Variants in DLEC1 observed in about 807,000 individuals in gnomAD.
DLEC1 encodes the protein deleted in lung and esophageal cancer protein 1.
DLEC1 carries 146 observed loss-of-function variants against 198.1 expected under a neutral mutation model. The observed-to-expected ratio is 0.74, with a 90% CI of 0.64 to 0.85. The LOEUF (loss-of-function observed/expected upper bound fraction) is 0.85. DLEC1 is among the 40% of genes least tolerant of loss of function. The pLI is 0.00. For synonymous variants in DLEC1, 897 were observed against 866.8 expected (o/e 1.03, Z -0.61); for missense variants, 2,233 against 2,220.0 (o/e 1.01, Z -0.12).
chr3:38,098,607 CCTT>C (rs779308734), intron 18 of DLEC1, among the ~76,000 whole-genome samples: 1 of 152,004 alleles, frequency 6.6e-6, no homozygotes, highest in African/African-American at 2.4e-5. Flanking sequence ...ACCACACTCT[CCTT>C]CTGGCTGCTT....
At chr3:38,045,971 A>G (rs1700868060) in intron 2 of DLEC1, among the ~76,000 whole-genome samples, 2 of 152,212 alleles carry the variant, frequency 1.3e-5, no homozygotes, top group Admixed American at 6.5e-5. Context: ...ACCCACAGAT[A>G]CTTGTCAACC....
Position 38,088,173 on chromosome 3 carries a change from G to A in DLEC1, c.1573-123G>A, listed in dbSNP as rs1394875806. On this transcript the variant is annotated intron_variant, in intron 9 of 36. Transcript: ENST00000308059. Reference sequence around the variant, plus strand: ...AGCCTCAGTTTTTTCATTACCATGTGACTGGATGATCCTTAAGTTCCTTCA... The same window carrying A: ...AGCCTCAGTTTTTTCATTACCATGTAACTGGATGATCCTTAAGTTCCTTCA... 3 of 814,098 alleles carry A rather than the reference G, an allele frequency of 3.7e-6. No individual in the cohort carries two copies. In the African/African-American group the frequency reaches 5.1e-5, roughly 14 times the overall value. 50.4% of individuals were successfully genotyped at this position (814,098 alleles called of 1,614,324 possible). A position where few individuals can be genotyped will look rare whatever the true frequency, so the allele number is the denominator to read the frequency against.
chr3:38,110,620 T>C (rs1432266626), intron 23 of DLEC1, among the ~76,000 whole-genome samples: 1 of 152,056 alleles, frequency 6.6e-6, no homozygotes, highest in African/African-American at 2.4e-5. Flanking sequence ...GTGGGAGGAA[T>C]AGTTCAGGAG....
chr3:38,096,530 G>T lies in DLEC1; in HGVS notation c.2172-39G>T, dbSNP rs762079723. The stretch of plus-strand genomic sequence containing the variant: ...AGGGACACTCTAGGATGTGCTTCCA[G>T]GTGTGCCGGCTCCTAGCTAACGGTG... On this transcript the variant is annotated intron_variant, in intron 14 of 36. Coordinates refer to ENST00000308059, the MANE Select transcript of DLEC1 (RefSeq NM_007335.4). The T allele has an allele frequency of 3.8e-6, 6 of 1,590,078 alleles. No homozygotes were observed. In the South Asian group the frequency reaches 5.7e-5, roughly 15 times the overall value.
intron 18 of DLEC1, among the ~76,000 whole-genome samples, 179 bp from the exon 19 acceptor site, chr3:38,100,107 A>G: frequency 6.6e-6 from 1 of 152,086 alleles, no homozygotes; most frequent in Non-Finnish European, 1.5e-5. Context: ...CTATGCTCTT[A>G]ATCCTGAGAC....
intron 19 of DLEC1, 116 bp from the exon 20 acceptor site, chr3:38,107,468 T>C (rs1699625708): frequency 6.0e-6 from 7 of 1,158,168 alleles, no homozygotes; most frequent in Non-Finnish European, 8.1e-6. Context: ...ATTCTAGAGT[T>C]TCTAAAAATA....
rs764107085 is a variant in DLEC1, at chr3:38,112,303, T to C, written c.3608T>C (p.Ile1203Thr). 2.5e-6 allele frequency: 4 copies of C among 1,614,160 alleles called. No individual in the cohort carries two copies. The highest frequency in any genetic ancestry group is 2.5e-6 in the Non-Finnish European group (3 of 1,180,006). Reference sequence around the variant, plus strand: ...CTGGGGCCCTACCAGCAGCTGTGCATTGACATCACAGGCTGTGCCAACATG... The same window carrying C: ...CTGGGGCCCTACCAGCAGCTGTGCACTGACATCACAGGCTGTGCCAACATG... ...GMLGPYQQLC[I>T]DITGCANMWG... is the part of the protein sequence containing the mutation. The change falls in exon 25 of 37, where the codon ATT (isoleucine) becomes ACT (threonine). Residue 1203 changes from isoleucine (I) to threonine (T), a missense_variant. Physicochemically the swap from Ile to Thr is moderately conservative, Grantham distance 89. Coordinates refer to ENST00000308059, the MANE Select transcript of DLEC1 (RefSeq NM_007335.4). The surrounding 1 kb of genome is among the most constrained non-coding windows in gnomAD (Gnocchi z 4.8).
Position 38,109,572 on chromosome 3 carries a change from G to A in DLEC1, c.3260+10G>A, listed in dbSNP as rs201746090. Reference sequence around the variant, plus strand: ...AGAGCTCTGATTGCAGGTGAGCCCAGGGTTGGTGGTCTGGGGGTGGCAGTG... The same window carrying A: ...AGAGCTCTGATTGCAGGTGAGCCCAAGGTTGGTGGTCTGGGGGTGGCAGTG... On this transcript the variant is annotated intron_variant, in intron 22 of 36. Transcript: ENST00000308059. 3.0e-5 allele frequency: 48 copies of A among 1,613,968 alleles called. No homozygotes were observed. The highest frequency in any genetic ancestry group is 4.2e-6 in the Non-Finnish European group (5 of 1,179,990).
intron 33 of DLEC1, among the ~76,000 whole-genome samples, chr3:38,119,486 T>A (rs576833057): frequency 3.1e-4 from 47 of 151,378 alleles, no homozygotes; most frequent in Admixed American, 1.1e-3. Context: ...CTTTTCTTCA[T>A]CCCTACACCC....
intron 34 of DLEC1, 128 bp from the exon 35 acceptor site, chr3:38,121,482 AGGTGGCGCTGGTCCCCTG>A: frequency 4.2e-6 from 4 of 949,948 alleles, no homozygotes; most frequent in Non-Finnish European, 4.6e-6. Flanking sequence ...TGGCCTTTTA[AGGTGGCGCTGGTCCCCTG>A]CCAACTTCTG....
Position 38,045,334 on chromosome 3 carries a change from G to A in DLEC1, c.412-209G>A, listed in dbSNP as rs895697043. ...GAGACAGGTAACCAAGCTCAAGTCT[G>A]TTACTGGCCTTACTATGGAAACCTT... On this transcript the variant is annotated intron_variant, in intron 1 of 36. Coordinates refer to ENST00000308059, the MANE Select transcript of DLEC1 (RefSeq NM_007335.4). Among the ~76,000 whole-genome samples the A allele has an allele frequency of 7.2e-5, 11 of 152,246 alleles. No homozygotes were observed. In the East Asian group the frequency reaches 2.1e-3, roughly 29 times the overall value.
chr3:38,053,080 G>A (rs1345182706), intron 2 of DLEC1, among the ~76,000 whole-genome samples: 8 of 152,218 alleles, frequency 5.3e-5, no homozygotes, highest in Non-Finnish European at 8.8e-5. Flanking sequence ...ACGGAGTCTC[G>A]TTCACTCAGT....
intron 6 of DLEC1, among the ~76,000 whole-genome samples, chr3:38,071,528 A>C (rs1480718815): frequency 6.6e-6 from 1 of 152,232 alleles, no homozygotes; most frequent in African/African-American, 2.4e-5. Context: ...GTGTGGGAAG[A>C]GATTGATAGG....
chr3:38,122,139 C>T lies in DLEC1; in HGVS notation c.5089C>T (p.Arg1697Ter), dbSNP rs766777929. 13 of 1,614,032 alleles carry T rather than the reference C, an allele frequency of 8.1e-6. No individual in the cohort carries two copies. The highest frequency in any genetic ancestry group is 3.3e-5 in the Admixed American group (2 of 59,994). Residue 1697 changes from arginine (R) to a stop codon, truncating the protein, a stop_gained, in exon 36 of 37, where the codon CGA becomes TGA. Coordinates refer to ENST00000308059, the MANE Select transcript of DLEC1 (RefSeq NM_007335.4). LOFTEE classifies it high-confidence loss of function. Reference protein sequence around the residue: ...VSPNSGLLEARSANAPPTSIA... With the variant: ...VSPNSGLLEA The stretch of plus-strand genomic sequence containing the variant: ...CCCAAACAGTGGGCTGCTAGAAGCA[C>T]GATCCGCCAATGCACCCCCAACCTC...
intron 12 of DLEC1, among the ~76,000 whole-genome samples, chr3:38,094,551 GTGATGTATAGCCTC>G (rs1355423295): frequency 6.6e-6 from 1 of 152,198 alleles, no homozygotes; most frequent in Non-Finnish European, 1.5e-5. Context: ...ATATTAGGGG[GTGATGTATAGCCTC>G]TTCCACTTTA....
chr3:38,069,535 C>T (rs540444915), intron 6 of DLEC1, among the ~76,000 whole-genome samples: 16 of 152,188 alleles, frequency 1.1e-4, no homozygotes, highest in African/African-American at 3.1e-4. Flanking sequence ...AACCCAGGAA[C>T]GCAGGGAATG....
At chr3:38,087,336 C>G (rs1251316913) in intron 9 of DLEC1, among the ~76,000 whole-genome samples, 1 of 134,054 alleles carries the variant, frequency 7.5e-6, no homozygotes, top group Non-Finnish European at 1.7e-5. Flanking sequence ...TCAGCATGCT[C>G]ACACCATCCA....
In DLEC1 at chr3:38,117,979, C is replaced by T. The variant is rs1327808652; in HGVS notation, c.4659C>T (p.Ala1553=). 5.6e-6 allele frequency: 9 copies of T among 1,613,414 alleles called. No individual in the cohort carries two copies. The East Asian group carries it at 2.0e-4, about 36-fold the overall frequency. Reference sequence around the variant, plus strand: ...AGCAGGAGTGTGAGGAGGAGACAGCCTCAGCGGACAAGCAGCTGGTGCTCC... The same window carrying T: ...AGCAGGAGTGTGAGGAGGAGACAGCTTCAGCGGACAAGCAGCTGGTGCTCC... The part of the protein sequence containing the change: ...GQKQECEEET[A]SADKQLVLQA... Residue 1553 remains alanine, a synonymous_variant, in exon 33 of 37, where the codon GCC becomes GCT. Coordinates refer to ENST00000308059, the MANE Select transcript of DLEC1 (RefSeq NM_007335.4).
chr3:38,114,994 A>C lies in DLEC1; in HGVS notation c.3797A>C (p.Gln1266Pro). ...QKEPAMRFGT[Q>P]VSGGDTVTRT... ...CTGTCCCCCTCCAGGTTCGGCACCC[A>C]GGTCTCCGGAGGAGACACAGTTACC... Residue 1266 changes from glutamine (Q) to proline (P), a missense_variant, in exon 27 of 37, where the codon CAG becomes CCG. Transcript: ENST00000308059. 1 of 1,613,658 alleles carries C rather than the reference A, an allele frequency of 6.2e-7. No individual in the cohort carries two copies. The highest frequency in any genetic ancestry group is 1.3e-5 in the African/African-American group (1 of 75,054).
Sources: gnomAD v4.1 joint callset for allele counts (sites outside exome capture counted in the v4.1 genomes callset) on GRCh38, gnomAD v4.1.1 for gene constraint, Gnocchi (gnomAD v3.1) non-coding constraint, MANE v1.5 for transcripts, NCBI Gene and HGNC (gene_info 2026-07-23, HGNC 2026-07-21) for gene names.